IQSEC1: variants seen among roughly 807,000 people sequenced by gnomAD.
The protein encoded by IQSEC1 is IQ motif and Sec7 domain ArfGEF 1, also known as IQ motif and SEC7 domain-containing protein 1.
Under a neutral mutation model 91.0 loss-of-function variants are expected in IQSEC1, and 31 were observed. The ratio of observed to expected loss-of-function variants is 0.34; its 90% CI spans 0.26 to 0.46. IQSEC1 has a LOEUF of 0.46. Ranked by LOEUF, IQSEC1 falls within the 20% of genes least tolerant of loss-of-function variation. The pLI is 1.00. For missense variants in IQSEC1, 1,388 were observed against 1,575.6 expected (o/e 0.88, Z 2.02); for synonymous variants, 699 against 662.6 (o/e 1.05, Z -0.84).
At chr3:13,269,247 C>T (rs908206237) in intron 1 of IQSEC1, among the ~76,000 whole-genome samples, 3 of 152,186 alleles carry the variant, frequency 2.0e-5, no homozygotes, top group African/African-American at 4.8e-5. Context: ...CAGGCAGGAG[C>T]GAGGCTGCTT....
intron 1 of IQSEC1, among the ~76,000 whole-genome samples, chr3:13,004,056 A>G (rs903882657): frequency 6.6e-6 from 1 of 152,222 alleles, no homozygotes; most frequent in Non-Finnish European, 1.5e-5. Flanking sequence ...TCACTTCAAA[A>G]TAACTTACAA....
At chr3:12,961,211 G>A (rs772223208) in intron 1 of IQSEC1, among the ~76,000 whole-genome samples, 2 of 152,228 alleles carry the variant, frequency 1.3e-5, no homozygotes, top group Admixed American at 6.5e-5. Context: ...CAGAAGCTCA[G>A]CACAGGCCAC....
intron 1 of IQSEC1, among the ~76,000 whole-genome samples, chr3:13,062,900 A>G (rs1021287778): frequency 3.9e-5 from 6 of 152,224 alleles, no homozygotes; most frequent in African/African-American, 1.4e-4. Context: ...TTTTTCTATT[A>G]GCCACGCTCA....
Position 13,053,856 on chromosome 3 carries a change from A to G in IQSEC1, c.23+19136T>C, listed in dbSNP as rs369042433. On this transcript the variant is annotated intron_variant, in intron 1 of 13. Transcript: ENST00000613206. ...ATATTCACTGTACTAACTTTAGAAA[A>G]TAACAGTGAAACACAACAAGGAAAA... Among the ~76,000 whole-genome samples, 58 of 152,342 alleles carry G rather than the reference A, an allele frequency of 3.8e-4. No homozygotes were observed. The South Asian group carries it at 0.012, about 32-fold the overall frequency.
chr3:12,901,065 A>T lies in IQSEC1; in HGVS notation c.3263T>A (p.Val1088Glu). The change falls in exon 14 of 14, where the codon GTG becomes GAG. Residue 1088 changes from valine (V) to glutamate (E), a missense_variant. By Grantham distance (121) the Val-to-Glu change is moderately radical (BLOSUM62 -2). Transcript: ENST00000613206. ...GGCAGGGGGCTGCCCATGGTGGTGC[A>T]CTGTGTGCCCCACGTGGGCCGAGGG... is the stretch of plus-strand genomic sequence containing the variant. Reference protein sequence around the residue: ...PLPSAHVGHTVHHHGQPPAPP... With the variant: ...PLPSAHVGHTEHHHGQPPAPP... 6.5e-7 allele frequency: 1 copy of T among 1,541,132 alleles called. No homozygotes were observed. The highest frequency in any genetic ancestry group is 8.7e-7 in the Non-Finnish European group (1 of 1,145,798).
In IQSEC1 at chr3:13,008,579, C is replaced by T. The variant is rs1702736942; in HGVS notation, c.23+64413G>A. Among the ~76,000 whole-genome samples the T allele has an allele frequency of 1.3e-5, 2 of 152,060 alleles. No homozygotes were observed. The highest frequency in any genetic ancestry group is 2.9e-5 in the Non-Finnish European group (2 of 68,034). ...AGTCGCTCCCCACTGCAGCCTCCTG[C>T]TTCATTTTCCTGACTGTGATGTTGG... On this transcript the variant is annotated intron_variant, in intron 1 of 13. Transcript: ENST00000613206. The surrounding 1 kb of genome is among the most constrained non-coding windows in gnomAD (Gnocchi z 4.1).
intron 1 of IQSEC1, among the ~76,000 whole-genome samples, chr3:13,044,869 G>A (rs1704435991): frequency 6.6e-6 from 1 of 152,282 alleles, no homozygotes; most frequent in Non-Finnish European, 1.5e-5. Flanking sequence ...GCCCCCAGCA[G>A]CAGAGCTGGT....
At chr3:13,142,242 G>A (rs1293080802) in intron 2 of IQSEC1, among the ~76,000 whole-genome samples, 3 of 152,228 alleles carry the variant, frequency 2.0e-5, no homozygotes, top group African/African-American at 4.8e-5. Flanking sequence ...TTACCCCAGG[G>A]CCTCACTTTG....
At position 12,924,783 on chromosome 3, in the gene IQSEC1, G is replaced by A. The variant is rs1183631886; in HGVS notation, c.1569-41C>T. 2.0e-6 allele frequency: 3 copies of A among 1,507,388 alleles called. No homozygotes were observed. Among genetic ancestry groups the A allele is most frequent in the Middle Eastern group, 3.6e-4 (2 of 5,484 alleles). 93.4% of individuals were successfully genotyped at this position (1,507,388 alleles called of 1,614,324 possible). On this transcript the variant is annotated intron_variant, in intron 3 of 13. Transcript: ENST00000613206. The surrounding 1 kb of genome is among the most constrained non-coding windows in gnomAD (Gnocchi z 6.3). Reference sequence around the variant, plus strand: ...AGGCACACTCAGTCCCAGCTGCCCGGCCACCAGCCAGGCACCTGGAGGGGA... The same window carrying A: ...AGGCACACTCAGTCCCAGCTGCCCGACCACCAGCCAGGCACCTGGAGGGGA...
chr3:13,183,029 T>G (rs1233424192), intron 1 of IQSEC1, among the ~76,000 whole-genome samples: 1 of 152,016 alleles, frequency 6.6e-6, no homozygotes, highest in African/African-American at 2.4e-5. Flanking sequence ...CCAGGCATGG[T>G]GGCATGCACC....
intron 1 of IQSEC1, among the ~76,000 whole-genome samples, chr3:13,004,431 G>A (rs1702548565): frequency 6.6e-6 from 1 of 152,148 alleles, no homozygotes; most frequent in Admixed American, 6.5e-5. Flanking sequence ...AAGCCGATGT[G>A]GAAACCCCTC....
chr3:13,250,651 G>A (rs1237129076), intron 1 of IQSEC1, among the ~76,000 whole-genome samples: 1 of 149,398 alleles, frequency 6.7e-6, no homozygotes, highest in African/African-American at 2.5e-5. Flanking sequence ...TATTTTAGTA[G>A]AGACACGGTT....
intron 1 of IQSEC1, among the ~76,000 whole-genome samples, chr3:13,062,905 C>T (rs570885611): frequency 2.6e-5 from 4 of 152,332 alleles, no homozygotes; most frequent in African/African-American, 7.2e-5. Context: ...CTATTAGCCA[C>T]GCTCAGGTCA....
Position 12,900,788 on chromosome 3 carries a change from AGAAAT to A in IQSEC1, c.*190_*194del, listed in dbSNP as rs1322849865. The A allele has an allele frequency of 2.8e-6, 4 of 1,447,494 alleles. No homozygotes were observed. The African/African-American group carries it at 5.7e-5, about 21-fold the overall frequency. The allele number at this position is 1,447,494 out of a possible 1,614,324, so 89.7% of individuals were successfully genotyped here. A position where few individuals can be genotyped will look rare whatever the true frequency, so the allele number is the denominator to read the frequency against. On this transcript the variant is annotated 3_prime_UTR_variant, in exon 14 of 14. Coordinates refer to ENST00000613206, the MANE Select transcript of IQSEC1 (RefSeq NM_001134382.3). ...GTGAGCAGAGCCCAGGGTGCCAACA[AGAAAT>A]GAAATCTGGGCCTTTGTTCCACACA...
intron 1 of IQSEC1, among the ~76,000 whole-genome samples, chr3:13,062,154 G>A (rs576879373): frequency 3.3e-5 from 5 of 152,240 alleles, no homozygotes; most frequent in Non-Finnish European, 5.9e-5. Context: ...AGTTTCTGCC[G>A]TTTGCCACCC....
rs1696022299 is a variant in IQSEC1, at chr3:12,915,729, C to G, written c.2025G>C (p.Val675=). ...CACGGGGAATGTCCTCACCATCGTC[C>G]ACACCTGGGTAGGGGATGCAGCTGG... The part of the protein sequence containing the change: ...LEDFIKNLRG[V]DDGEDIPREM... Residue 675 remains valine, a synonymous_variant, in exon 7 of 14, where the codon GTG becomes GTC. Coordinates refer to ENST00000613206, the MANE Select transcript of IQSEC1 (RefSeq NM_001134382.3). 1 of 1,613,890 alleles carries G rather than the reference C, an allele frequency of 6.2e-7. No individual in the cohort carries two copies. The highest frequency in any genetic ancestry group is 2.2e-5 in the East Asian group (1 of 44,886).
intron 2 of IQSEC1, among the ~76,000 whole-genome samples, chr3:13,109,307 A>C (rs555675716): frequency 6.6e-6 from 1 of 151,976 alleles, no homozygotes; most frequent in Non-Finnish European, 1.5e-5. Flanking sequence ...TTCTTTCTTA[A>C]AAGAAGAGAG....
chr3:13,097,858 G>A (rs1454012848), intron 2 of IQSEC1, among the ~76,000 whole-genome samples: 4 of 152,302 alleles, frequency 2.6e-5, no homozygotes, highest in East Asian at 1.9e-4. Context: ...TGGAGCCTGC[G>A]CCTGTGTGCA....
intron 2 of IQSEC1, among the ~76,000 whole-genome samples, chr3:13,080,777 C>T (rs935496799): frequency 3.9e-5 from 6 of 152,302 alleles, no homozygotes; most frequent in East Asian, 1.9e-4. Context: ...CCCGCCCTGC[C>T]GCTGTTCCAG....
Sources: allele counts gnomAD v4.1 joint callset (sites outside exome capture counted in the v4.1 genomes callset), GRCh38; gene constraint gnomAD v4.1.1; non-coding constraint Gnocchi (gnomAD v3.1); transcripts MANE v1.5; gene names NCBI Gene and HGNC (gene_info 2026-07-23, HGNC 2026-07-21).